Variants in UNC80 observed in about 807,000 individuals in gnomAD.
The protein encoded by UNC80 is unc-80 subunit of NALCN channel complex.
In UNC80, 164 loss-of-function variants were observed where a neutral mutation model predicts 384.6. That is an observed-to-expected ratio of 0.43 (90% CI 0.38 to 0.49). The LOEUF (loss-of-function observed/expected upper bound fraction) is 0.49. UNC80 is among the 20% of genes least tolerant of loss of function. The pLI is 0.00. For missense variants in UNC80, 3,330 were observed against 4,143.0 expected, an observed-to-expected ratio of 0.80 and a Z score of 5.39; for synonymous variants, 1,486 against 1,527.8, an observed-to-expected ratio of 0.97 and a Z score of 0.64.
intron 51 of UNC80, among the ~76,000 whole-genome samples, chr2:209,964,377 G>T (rs2092684390): frequency 6.6e-6 from 1 of 152,140 alleles, no homozygotes; most frequent in Non-Finnish European, 1.5e-5. Flanking sequence ...TGCAGATGTA[G>T]GCCCTGGATT....
Position 209,916,590 on chromosome 2 carries a change from C to A in UNC80, c.5030-1187C>A, listed in dbSNP as rs150558680. Reference sequence around the variant, plus strand: ...AGTGGAGACTTAAACACCTAGTAGGCTAAAGAAAAGTATTATCAAAAGATA... The same window carrying A: ...AGTGGAGACTTAAACACCTAGTAGGATAAAGAAAAGTATTATCAAAAGATA... On this transcript the variant is annotated intron_variant, in intron 31 of 64. Coordinates refer to ENST00000673920, the MANE Select transcript of UNC80 (RefSeq NM_001371986.1). Among the ~76,000 whole-genome samples the A allele has an allele frequency of 2.6e-4, 39 of 152,038 alleles. No homozygotes were observed. The East Asian group carries it at 4.8e-3, about 19-fold the overall frequency.
chr2:209,773,223 G>A (rs1034915734), intron 2 of UNC80, 81 bp downstream of exon 2: 35 of 1,190,470 alleles, frequency 2.9e-5, no homozygotes, highest in Non-Finnish European at 3.8e-5. Flanking sequence ...TAAATCAAAC[G>A]GACTATATAT....
Position 209,995,750 on chromosome 2 carries a change from CATG to C in UNC80, c.*159_*161del. 1.2e-6 allele frequency: 1 copy of C among 809,532 alleles called. No homozygotes were observed. Among genetic ancestry groups the C allele is most frequent in the East Asian group, 2.7e-5 (1 of 36,502 alleles). The allele number at this position is 809,532 out of a possible 1,614,324, so 50.1% of individuals were successfully genotyped here. A position where few individuals can be genotyped will look rare whatever the true frequency, so the allele number is the denominator to read the frequency against. The stretch of plus-strand genomic sequence containing the variant: ...CTGAATAGGTTTTGCTGCCAATACA[CATG>C]ATGTTTCATAAACATCTTAAAAGTC... On this transcript the variant is annotated 3_prime_UTR_variant, in exon 65 of 65. Transcript: ENST00000673920.
At chr2:209,983,987 C>G (rs2093222446) in intron 60 of UNC80, among the ~76,000 whole-genome samples, 1 of 152,120 alleles carries the variant, frequency 6.6e-6, no homozygotes, top group African/African-American at 2.4e-5. Context: ...AGCCTCAATT[C>G]TTTGGGGCCA....
intron 7 of UNC80, among the ~76,000 whole-genome samples, 161 bp downstream of exon 7, chr2:209,794,020 T>A (rs912394055): frequency 6.6e-6 from 1 of 152,218 alleles, no homozygotes; most frequent in African/African-American, 2.4e-5. Context: ...TGTAGAAATA[T>A]GCTATGAATG....
chr2:209,812,812 A>G (rs566658780), intron 7 of UNC80, among the ~76,000 whole-genome samples: 10 of 152,344 alleles, frequency 6.6e-5, no homozygotes, highest in Admixed American at 5.9e-4. Flanking sequence ...AGGATGGTGT[A>G]TTAATCTGAG....
chr2:209,937,257 G>A (rs776278534), intron 41 of UNC80, among the ~76,000 whole-genome samples: 1 of 152,190 alleles, frequency 6.6e-6, no homozygotes, highest in Non-Finnish European at 1.5e-5. Flanking sequence ...ATACCTGTGT[G>A]TGTCTATTTG....
chr2:209,888,597 T>A (rs1428264345), intron 26 of UNC80, among the ~76,000 whole-genome samples: 1 of 152,026 alleles, frequency 6.6e-6, no homozygotes, highest in East Asian at 1.9e-4. Flanking sequence ...TGGTTTTTTT[T>A]GTTTGTTTGT....
chr2:209,918,078 C>A, intron 32 of UNC80, 120 bp downstream of exon 32: 1 of 963,136 alleles, frequency 1.0e-6, no homozygotes, highest in Non-Finnish European at 1.5e-6. Context: ...TCTCTCTGAT[C>A]ATATAAGTAA....
chr2:209,843,127 C>A (rs772627780), intron 21 of UNC80, among the ~76,000 whole-genome samples: 7 of 152,136 alleles, frequency 4.6e-5, no homozygotes, highest in Admixed American at 6.6e-5. Context: ...GTCTCTAGAT[C>A]CATCACCATT....
intron 7 of UNC80, among the ~76,000 whole-genome samples, chr2:209,813,330 C>T (rs536338216): frequency 2.6e-5 from 4 of 152,210 alleles, no homozygotes; most frequent in Admixed American, 6.5e-5. Flanking sequence ...CTCCCTCCTG[C>T]CCAAACCTCA....
intron 29 of UNC80, among the ~76,000 whole-genome samples, chr2:209,909,723 A>G (rs2088688023): frequency 6.6e-6 from 1 of 152,158 alleles, no homozygotes; most frequent in Non-Finnish European, 1.5e-5. Context: ...AAAAGTGGTC[A>G]GGATGCCGAG....
At chr2:209,918,705 A>T in intron 33 of UNC80, 42 bp downstream of exon 33, 1 of 1,480,532 alleles carries the variant, frequency 6.8e-7, no homozygotes, top group Non-Finnish European at 9.1e-7. Context: ...GTACGTGTAA[A>T]AGAGAACAAT....
chr2:209,905,785 C>A (rs1015085402), intron 29 of UNC80, among the ~76,000 whole-genome samples: 1 of 152,160 alleles, frequency 6.6e-6, no homozygotes, highest in Non-Finnish European at 1.5e-5. Context: ...TTACATTTTT[C>A]AAGTATTCAG....
At chr2:209,935,067 A>G (rs1186764148) in intron 39 of UNC80, among the ~76,000 whole-genome samples, 1 of 152,244 alleles carries the variant, frequency 6.6e-6, no homozygotes, top group Non-Finnish European at 1.5e-5. Context: ...CTACATTTCA[A>G]GTACATGTTT....
intron 20 of UNC80, 46 bp downstream of exon 20, chr2:209,840,694 A>G (rs375853401): frequency 1.4e-6 from 2 of 1,478,270 alleles, no homozygotes; most frequent in East Asian, 4.9e-5. Flanking sequence ...AGTCGCTGAT[A>G]CAAACATGTG....
chr2:209,911,146 A>C (rs2088890225), intron 29 of UNC80, among the ~76,000 whole-genome samples: 1 of 151,718 alleles, frequency 6.6e-6, no homozygotes, highest in Non-Finnish European at 1.5e-5. Flanking sequence ...GAGTGCAAGC[A>C]GGGGTACATT....
Position 209,772,216 on chromosome 2 carries a change from T to C in UNC80, c.92+52T>C, listed in dbSNP as rs1212173101. On this transcript the variant is annotated intron_variant, in intron 1 of 64. Transcript: ENST00000673920. ...GGCCGCCCTGGGCTGGGGGCGCTCCTGGGGCCGCCCGGGTCGCCGCTGCCG... is the reference window on the plus strand; with the variant it reads ...GGCCGCCCTGGGCTGGGGGCGCTCCCGGGGCCGCCCGGGTCGCCGCTGCCG... 3.4e-6 allele frequency: 4 copies of C among 1,172,980 alleles called. No homozygotes were observed. In the Admixed American group the frequency reaches 1.6e-4, roughly 48 times the overall value. 72.7% of individuals were successfully genotyped at this position (1,172,980 alleles called of 1,614,324 possible).
intron 11 of UNC80, 46 bp from the exon 12 acceptor site, chr2:209,818,947 G>T (rs369875944): frequency 1.0e-5 from 16 of 1,530,576 alleles, no homozygotes; most frequent in Middle Eastern, 1.7e-4. Flanking sequence ...AACTGGTATT[G>T]TAGGTTAATG....
Sources: gnomAD v4.1 joint callset for allele counts (sites outside exome capture counted in the v4.1 genomes callset) on GRCh38, gnomAD v4.1.1 for gene constraint, MANE v1.5 for transcripts, NCBI Gene and HGNC (gene_info 2026-07-23, HGNC 2026-07-21) for gene names.